The following COX16 variants were observed in gnomAD, a reference collection of about 807,000 sequenced individuals.
The protein encoded by COX16 is cytochrome c oxidase assembly protein COX16 homolog, mitochondrial.
COX16 carries 12 observed loss-of-function variants against 15.4 expected under a neutral mutation model. That is an observed-to-expected ratio of 0.78 (90% CI 0.50 to 1.26). The LOEUF is 1.26. Ranked by LOEUF, COX16 falls within the 50% of genes most tolerant of loss-of-function variation. The pLI is 0.00. For synonymous variants in COX16, 46 were observed against 41.1 expected (o/e 1.12, Z -0.46); for missense variants, 124 against 127.6 (o/e 0.97, Z 0.14).
chr14:70,339,673 T>C (rs1886566136), intron 2 of COX16, among the ~76,000 whole-genome samples: 1 of 152,174 alleles, frequency 6.6e-6, no homozygotes, highest in Non-Finnish European at 1.5e-5. Flanking sequence ...CTTTCAATCC[T>C]GAAGAACAAA....
At chr14:70,354,274 G>A (rs1310455554) in intron 1 of COX16, among the ~76,000 whole-genome samples, 1 of 152,176 alleles carries the variant, frequency 6.6e-6, no homozygotes, top group South Asian at 2.1e-4. Context: ...GCTAATACCT[G>A]CAATGTCAAA....
chr14:70,333,278 TCAGA>T (rs1221233736), intron 2 of COX16, among the ~76,000 whole-genome samples: 1 of 152,210 alleles, frequency 6.6e-6, no homozygotes, highest in Non-Finnish European at 1.5e-5. Context: ...GTGTAATCTT[TCAGA>T]CAAAAAACTG....
At chr14:70,337,877 A>G (rs1289122783) in intron 2 of COX16, among the ~76,000 whole-genome samples, 2 of 152,138 alleles carry the variant, frequency 1.3e-5, no homozygotes, top group African/African-American at 4.8e-5. Flanking sequence ...TGACTAGAAG[A>G]TAACACAATA....
chr14:70,329,103 C>T, intron 3 of COX16, 71 bp downstream of exon 3: 1 of 1,452,088 alleles, frequency 6.9e-7, no homozygotes, highest in South Asian at 1.4e-5. Flanking sequence ...TTCTGTACTA[C>T]TAATACTTTT....
chr14:70,331,612 T>G (rs1886294236), intron 2 of COX16, among the ~76,000 whole-genome samples: 1 of 152,252 alleles, frequency 6.6e-6, no homozygotes, highest in South Asian at 2.1e-4. Flanking sequence ...CAGAATGATT[T>G]TAAAAAACAA....
intron 1 of COX16, chr14:70,359,162 C>A: frequency 4.3e-6 from 2 of 468,274 alleles, no homozygotes; most frequent in South Asian, 3.1e-5. Flanking sequence ...TAGTAATCAT[C>A]CAAACTTGGC....
At chr14:70,350,954 A>T (rs576097086) in intron 1 of COX16, among the ~76,000 whole-genome samples, 1 of 152,364 alleles carries the variant, frequency 6.6e-6, no homozygotes, top group South Asian at 2.1e-4. Context: ...TTTTTGCATC[A>T]GCCTAACTGT....
intron 1 of COX16, among the ~76,000 whole-genome samples, chr14:70,349,777 G>C: frequency 6.6e-6 from 1 of 152,126 alleles, no homozygotes; most frequent in East Asian, 1.9e-4. Flanking sequence ...CAGACTCTGA[G>C]CCCTTCAGGA....
chr14:70,358,038 C>A (rs572063210), intron 1 of COX16, among the ~76,000 whole-genome samples: 1 of 152,102 alleles, frequency 6.6e-6, no homozygotes, highest in African/African-American at 2.4e-5. Flanking sequence ...GGAATTATAT[C>A]CATCAAAAGG....
At chr14:70,336,651 C>T (rs191282615) in intron 2 of COX16, among the ~76,000 whole-genome samples, 275 of 152,272 alleles carry the variant, frequency 1.8e-3, no homozygotes, top group East Asian at 5.0e-3. Flanking sequence ...TGTTGGTGGG[C>T]ACGAGGAACT....
chr14:70,358,214 A>G (rs1265373980), intron 1 of COX16, among the ~76,000 whole-genome samples: 1 of 152,144 alleles, frequency 6.6e-6, no homozygotes, highest in African/African-American at 2.4e-5. Flanking sequence ...GGCCAGCATT[A>G]AGAGGCAGGA....
chr14:70,334,815 A>G (rs1886399977), intron 2 of COX16, among the ~76,000 whole-genome samples: 1 of 152,246 alleles, frequency 6.6e-6, no homozygotes, highest in South Asian at 2.1e-4. Flanking sequence ...ACACAACTAG[A>G]AAACAAGCAA....
At position 70,329,157 on chromosome 14, in the gene COX16, A is replaced by C. The variant is rs112839488; in HGVS notation, c.204+17T>G. ...AACTGATTGTTATAAGACAGAGACT[A>C]TATTAACATACCGTACCTCATATTC... On this transcript the variant is annotated intron_variant, in intron 3 of 3. Transcript: ENST00000389912. The C allele has an allele frequency of 3.1e-5, 49 of 1,600,440 alleles. No homozygotes were observed. In the African/African-American group the frequency reaches 3.1e-4, roughly 10 times the overall value.
intron 1 of COX16, among the ~76,000 whole-genome samples, chr14:70,355,800 G>C (rs1887106645): frequency 6.6e-6 from 1 of 152,220 alleles, no homozygotes; most frequent in South Asian, 2.1e-4. Flanking sequence ...CAATGTTGGA[G>C]GGAAGGCCTA....
At chr14:70,334,310 G>A (rs986791765) in intron 2 of COX16, among the ~76,000 whole-genome samples, 1 of 152,114 alleles carries the variant, frequency 6.6e-6, no homozygotes, top group African/African-American at 2.4e-5. Context: ...ATCACTTGAG[G>A]TCAGGAGTTC....
intron 1 of COX16, among the ~76,000 whole-genome samples, chr14:70,344,495 G>A (rs761837756): frequency 2.6e-5 from 4 of 152,194 alleles, no homozygotes; most frequent in African/African-American, 7.2e-5. Context: ...TTTTGCAAAG[G>A]CGGTTTCAGT....
intron 1 of COX16, among the ~76,000 whole-genome samples, chr14:70,344,863 C>G (rs538889436): frequency 6.6e-6 from 1 of 152,182 alleles, no homozygotes; most frequent in African/African-American, 2.4e-5. Context: ...GACTAGGACA[C>G]TTCCTGTTTA....
At chr14:70,340,651 C>T (rs1886597317) in intron 2 of COX16, among the ~76,000 whole-genome samples, 1 of 152,092 alleles carries the variant, frequency 6.6e-6, no homozygotes, top group Non-Finnish European at 1.5e-5. Context: ...TCTTTACTTC[C>T]AACCTAAACA....
chr14:70,329,818 AAG>A (rs1203562160), intron 2 of COX16, among the ~76,000 whole-genome samples: 5 of 152,190 alleles, frequency 3.3e-5, no homozygotes, highest in Non-Finnish European at 7.4e-5. Context: ...CTTCAGGAAA[AAG>A]AGTATGATGG....
Sources: allele counts gnomAD v4.1 joint callset (sites outside exome capture counted in the v4.1 genomes callset), GRCh38; gene constraint gnomAD v4.1.1; transcripts MANE v1.5; gene names NCBI Gene and HGNC (gene_info 2026-07-23, HGNC 2026-07-21).